The following TNFSF8 variants were observed in gnomAD, a reference collection of about 807,000 sequenced individuals.
The protein encoded by TNFSF8 is tumor necrosis factor ligand superfamily member 8.
In TNFSF8, 4 loss-of-function variants were observed where a neutral mutation model predicts 22.0. The observed-to-expected ratio is 0.18, with a 90% CI of 0.09 to 0.42. The LOEUF (loss-of-function observed/expected upper bound fraction) is 0.42, where lower values mean the gene tolerates loss of function less well. Among genes scored for constraint, TNFSF8 ranks in the 10% least tolerant of loss-of-function variants. The pLI, the probability that TNFSF8 is intolerant of heterozygous loss-of-function variation, is 1.00. For missense variants in TNFSF8, 233 were observed against 281.8 expected (o/e 0.83, Z 1.24); for synonymous variants, 106 against 112.5 (o/e 0.94, Z 0.37).
At position 114,903,212 on chromosome 9, in the gene TNFSF8, T is replaced by A. The variant is rs1018482911; in HGVS notation, c.*719A>T. The A allele has an allele frequency of 1.3e-5, 2 of 152,270 alleles. No homozygotes were observed. Among genetic ancestry groups the A allele is most frequent in the African/African-American group, 4.8e-5 (2 of 41,456 alleles). 9.4% of individuals were successfully genotyped at this position (152,270 alleles called of 1,614,324 possible). On this transcript the variant is annotated 3_prime_UTR_variant, in exon 4 of 4. Transcript: ENST00000223795. ...GCCCTTTCTGTCCAGGATCTGTAAG[T>A]AAAAGTCTTTGAACTTGTTTTCCAT...
chr9:114,925,833 A>AT (rs1458547248), intron 1 of TNFSF8, among the ~76,000 whole-genome samples: 1 of 152,150 alleles, frequency 6.6e-6, no homozygotes, highest in African/African-American at 2.4e-5. Flanking sequence ...GGGCTAGAGA[A>AT]GCCCAGTCTC....
intron 1 of TNFSF8, among the ~76,000 whole-genome samples, chr9:114,923,614 T>A (rs918923811): frequency 6.6e-6 from 1 of 150,898 alleles, no homozygotes; most frequent in Non-Finnish European, 1.5e-5. Context: ...GCCTCCTGGG[T>A]TCAAGAGATT....
At position 114,902,167 on chromosome 9, in the gene TNFSF8, T is replaced by C. The variant is rs1267925180; in HGVS notation, c.*1764A>G. On this transcript the variant is annotated 3_prime_UTR_variant, in exon 4 of 4. Transcript: ENST00000223795. ...GATGATGTACAGATGCCAAGTTGGA[T>C]ATAGCTAGAGAAATCTCATGGCTAC... The C allele has an allele frequency of 1.0e-6, 1 of 985,262 alleles. No individual in the cohort carries two copies. The highest frequency in any genetic ancestry group is 1.2e-6 in the Non-Finnish European group (1 of 829,936). 61.0% of individuals were successfully genotyped at this position (985,262 alleles called of 1,614,324 possible).
chr9:114,911,050 A>C (rs1408962223), intron 2 of TNFSF8, among the ~76,000 whole-genome samples: 1 of 152,138 alleles, frequency 6.6e-6, no homozygotes, highest in East Asian at 1.9e-4. Flanking sequence ...TAGAGGAGAC[A>C]CTCAGTAAAG....
intron 2 of TNFSF8, among the ~76,000 whole-genome samples, chr9:114,916,381 G>GTGC (rs1827919245): frequency 6.6e-6 from 1 of 152,174 alleles, no homozygotes; most frequent in Non-Finnish European, 1.5e-5. Context: ...TTGCATTGAA[G>GTGC]TGCTCTTTAG....
intron 1 of TNFSF8, among the ~76,000 whole-genome samples, chr9:114,924,285 T>C (rs987002290): frequency 3.9e-5 from 6 of 152,190 alleles, no homozygotes; most frequent in Admixed American, 6.5e-5. Context: ...AAGTTCTAGA[T>C]TAAAACAGAT....
intron 1 of TNFSF8, among the ~76,000 whole-genome samples, chr9:114,925,727 A>T (rs1199511341): frequency 3.9e-5 from 6 of 152,094 alleles, no homozygotes; most frequent in African/African-American, 1.4e-4. Flanking sequence ...TTTTTTGCTT[A>T]TAAAGGGAAA....
At chr9:114,910,365 T>C (rs546126198) in intron 2 of TNFSF8, among the ~76,000 whole-genome samples, 10 of 152,322 alleles carry the variant, frequency 6.6e-5, no homozygotes, top group African/African-American at 2.4e-4. Context: ...AATGCCATGC[T>C]AACAGAGATC....
chr9:114,904,954 G>T (rs1827766928), intron 3 of TNFSF8, among the ~76,000 whole-genome samples: 2 of 152,132 alleles, frequency 1.3e-5, no homozygotes, highest in Non-Finnish European at 2.9e-5. Flanking sequence ...AAAAATAATT[G>T]TGCAGGTCCC....
At position 114,930,128 on chromosome 9, in the gene TNFSF8, A is replaced by G; in HGVS notation, c.176T>C (p.Val59Ala). Reference protein sequence around the residue: ...CLVFTVATIMVLVVQRTDSIP... With the variant: ...CLVFTVATIMALVVQRTDSIP... ...ACTTACCGTCCTCTGAACGACCAAC[A>G]CCATAATAGTGGCCACCGTGAAGAC... is the stretch of plus-strand genomic sequence containing the variant. Residue 59 changes from valine to alanine, a missense_variant, in exon 1 of 4, where the codon GTG becomes GCG. Coordinates refer to ENST00000223795, the MANE Select transcript of TNFSF8 (RefSeq NM_001244.4). 1 of 1,532,292 alleles carries G rather than the reference A, an allele frequency of 6.5e-7. No individual in the cohort carries two copies. Among genetic ancestry groups the G allele is most frequent in the Non-Finnish European group, 8.8e-7 (1 of 1,137,940 alleles). The allele number at this position is 1,532,292 out of a possible 1,614,324, so 94.9% of individuals were successfully genotyped here. A position where few individuals can be genotyped will look rare whatever the true frequency, so the allele number is the denominator to read the frequency against.
At chr9:114,923,275 TC>T (rs957991441) in intron 1 of TNFSF8, among the ~76,000 whole-genome samples, 1 of 152,104 alleles carries the variant, frequency 6.6e-6, no homozygotes, top group African/African-American at 2.4e-5. Context: ...CCTGCCACCA[TC>T]TTTCCAATGG....
chr9:114,902,530 G>A lies in TNFSF8; in HGVS notation c.*1401C>T. On this transcript the variant is annotated 3_prime_UTR_variant, in exon 4 of 4. Transcript: ENST00000223795. Reference sequence around the variant, plus strand: ...CACCCAGATGGTCTCTTAGATTCTGGATGGTCAGTGTGGTAGTTCTTTCCA... The same window carrying A: ...CACCCAGATGGTCTCTTAGATTCTGAATGGTCAGTGTGGTAGTTCTTTCCA... The A allele has an allele frequency of 2.0e-6, 2 of 985,456 alleles. No homozygotes were observed. Among genetic ancestry groups the A allele is most frequent in the Admixed American group, 6.1e-5 (1 of 16,292 alleles). The allele number at this position is 985,456 out of a possible 1,614,324, so 61.0% of individuals were successfully genotyped here. A position where few individuals can be genotyped will look rare whatever the true frequency, so the allele number is the denominator to read the frequency against.
In TNFSF8 at chr9:114,901,885, A is replaced by C. The variant is rs1360454016; in HGVS notation, c.*2046T>G. 3.1e-6 allele frequency: 3 copies of C among 956,864 alleles called. No individual in the cohort carries two copies. The highest frequency in any genetic ancestry group is 3.7e-6 in the Non-Finnish European group (3 of 804,124). The allele number at this position is 956,864 out of a possible 1,614,324, so 59.3% of individuals were successfully genotyped here. A position where few individuals can be genotyped will look rare whatever the true frequency, so the allele number is the denominator to read the frequency against. ...TCCCTTAGCCATTTTTGTTCTCTCA[A>C]GTCCCTTTCATCCATACCACCACTG... On this transcript the variant is annotated 3_prime_UTR_variant, in exon 4 of 4. Coordinates refer to ENST00000223795, the MANE Select transcript of TNFSF8 (RefSeq NM_001244.4).
intron 1 of TNFSF8, among the ~76,000 whole-genome samples, chr9:114,924,681 G>A (rs896538821): frequency 2.0e-5 from 3 of 152,170 alleles, no homozygotes; most frequent in African/African-American, 7.2e-5. Context: ...CATGACTGTT[G>A]TAATTCTTGG....
At chr9:114,896,401 C>T (rs1452280539), downstream of TNFSF8, among the ~76,000 whole-genome samples, 1 of 152,158 alleles carries the variant, frequency 6.6e-6, no homozygotes, top group Non-Finnish European at 1.5e-5. Flanking sequence ...AATTTAATTG[C>T]TCTAGGAAGT....
rs1454737082 is a variant in TNFSF8, at chr9:114,930,357, T to A, written c.-54A>T. 5.3e-6 allele frequency: 7 copies of A among 1,324,860 alleles called. No homozygotes were observed. The highest frequency in any genetic ancestry group is 9.9e-7 in the Non-Finnish European group (1 of 1,010,238). The allele number at this position is 1,324,860 out of a possible 1,614,324, so 82.1% of individuals were successfully genotyped here. A position where few individuals can be genotyped will look rare whatever the true frequency, so the allele number is the denominator to read the frequency against. On this transcript the variant is annotated 5_prime_UTR_variant, in exon 1 of 4. Coordinates refer to ENST00000223795, the MANE Select transcript of TNFSF8 (RefSeq NM_001244.4). ...CTTATCTCTCTTCATCTGATTCAGT[T>A]CTGGGCCCATCTCTGTTCCAAGAAG...
downstream of TNFSF8, among the ~76,000 whole-genome samples, chr9:114,900,109 C>T (rs75264082): frequency 9.5e-3 from 1,445 of 152,250 alleles, 29 homozygotes; most frequent in East Asian, 0.068. Flanking sequence ...TATCTAATTC[C>T]TTCTCAGAAT....
At chr9:114,916,373 G>A (rs554298990) in intron 2 of TNFSF8, among the ~76,000 whole-genome samples, 8 of 152,264 alleles carry the variant, frequency 5.3e-5, no homozygotes, top group Non-Finnish European at 8.8e-5. Flanking sequence ...TGGCGACTTT[G>A]CATTGAAGTG....
At position 114,902,160 on chromosome 9, in the gene TNFSF8, A is replaced by G. The variant is rs1827725442; in HGVS notation, c.*1771T>C. On this transcript the variant is annotated 3_prime_UTR_variant, in exon 4 of 4. Coordinates refer to ENST00000223795, the MANE Select transcript of TNFSF8 (RefSeq NM_001244.4). ...CTCCAAAGATGATGTACAGATGCCAAGTTGGATATAGCTAGAGAAATCTCA... is the reference window on the plus strand; with the variant it reads ...CTCCAAAGATGATGTACAGATGCCAGGTTGGATATAGCTAGAGAAATCTCA... The G allele has an allele frequency of 1.0e-6, 1 of 985,288 alleles. No homozygotes were observed. Among genetic ancestry groups the G allele is most frequent in the African/African-American group, 1.7e-5 (1 of 57,232 alleles). 61.0% of individuals were successfully genotyped at this position (985,288 alleles called of 1,614,324 possible). A position where few individuals can be genotyped will look rare whatever the true frequency, so the allele number is the denominator to read the frequency against.
Sources: allele counts gnomAD v4.1 joint callset (sites outside exome capture counted in the v4.1 genomes callset), GRCh38; gene constraint gnomAD v4.1.1; transcripts MANE v1.5; gene names NCBI Gene and HGNC (gene_info 2026-07-23, HGNC 2026-07-21).